The following CRB1 variants were observed in gnomAD, a reference collection of about 807,000 sequenced individuals.
The protein encoded by CRB1 is crumbs cell polarity complex component 1.
A neutral mutation model predicts 120.0 loss-of-function variants in CRB1; 83 were observed. That is an observed-to-expected ratio of 0.69 (90% CI 0.58 to 0.83). The LOEUF is 0.83. Among genes scored for constraint, CRB1 ranks in the 40% least tolerant of loss-of-function variants. The probability of loss-of-function intolerance (pLI) is 0.00; values close to 1 mark genes in which losing one functional copy is unlikely to be tolerated. For missense variants in CRB1, 1,699 were observed against 1,687.6 expected (o/e 1.01, Z -0.12); for synonymous variants, 625 against 612.5 (o/e 1.02, Z -0.30).
chr1:197,358,031 G>A (rs1480106883), intron 5 of CRB1: 1 of 152,072 alleles, frequency 6.6e-6, no homozygotes, highest in African/African-American at 2.4e-5. Context: ...AATAAATCTT[G>A]ATGTGACTCA....
intron 1 of CRB1, among the ~76,000 whole-genome samples, chr1:197,327,708 T>C (rs1658599356): frequency 6.6e-6 from 1 of 152,200 alleles, no homozygotes; most frequent in Non-Finnish European, 1.5e-5. Flanking sequence ...AAATCTTTTC[T>C]TTTCTCTTGT....
intron 11 of CRB1, among the ~76,000 whole-genome samples, chr1:197,468,307 C>T (rs1666836795): frequency 1.3e-5 from 2 of 151,854 alleles, no homozygotes; most frequent in Non-Finnish European, 2.9e-5. Flanking sequence ...TGCCCCACCC[C>T]CAGGCACTAT....
chr1:197,312,869 T>C (rs1657622502), intron 1 of CRB1, among the ~76,000 whole-genome samples: 1 of 152,248 alleles, frequency 6.6e-6, no homozygotes, highest in Admixed American at 6.5e-5. Context: ...CTCTGTAATA[T>C]ATCAAGTGCA....
intron 11 of CRB1, among the ~76,000 whole-genome samples, chr1:197,470,715 T>G (rs1666944463): frequency 6.6e-6 from 1 of 152,254 alleles, no homozygotes; most frequent in Non-Finnish European, 1.5e-5. Flanking sequence ...AGAGAGGTTG[T>G]GAATTATCAG....
chr1:197,327,590 T>G (rs756194856), intron 1 of CRB1, among the ~76,000 whole-genome samples: 1 of 152,236 alleles, frequency 6.6e-6, no homozygotes, highest in Non-Finnish European at 1.5e-5. Context: ...TCATCTTCCT[T>G]AAAACTGGTC....
chr1:197,298,206 G>C (rs370957224), intron 1 of CRB1, among the ~76,000 whole-genome samples: 6 of 152,130 alleles, frequency 3.9e-5, no homozygotes, highest in African/African-American at 1.4e-4. Context: ...AAAATAAAGA[G>C]AGGCAAGACC....
At chr1:197,463,988 G>A (rs563955606) in intron 11 of CRB1, among the ~76,000 whole-genome samples, 7 of 152,214 alleles carry the variant, frequency 4.6e-5, no homozygotes, top group African/African-American at 1.4e-4. Context: ...TAGTGAAAGA[G>A]AACAATGAAA....
chr1:197,202,501 G>A, the CRB1 span, among the ~76,000 whole-genome samples: 2 of 151,700 alleles, frequency 1.3e-5, no homozygotes, highest in African/African-American at 4.9e-5. Flanking sequence ...AAGAAATGAA[G>A]GGAAATGAAA....
intron 1 of CRB1, among the ~76,000 whole-genome samples, chr1:197,302,162 G>C (rs1466639141): frequency 6.6e-6 from 1 of 152,152 alleles, no homozygotes; most frequent in Non-Finnish European, 1.5e-5. Context: ...AGCCATCTCA[G>C]CCTTCAGCAA....
the CRB1 span, among the ~76,000 whole-genome samples, chr1:197,227,754 G>A: frequency 6.6e-6 from 1 of 152,114 alleles, no homozygotes. Flanking sequence ...TAGGGACTCT[G>A]TGTGGGGGCT....
At chr1:197,403,716 A>C (rs193125200) in intron 5 of CRB1, among the ~76,000 whole-genome samples, 1,532 of 152,146 alleles carry the variant, frequency 0.01, 89 homozygotes, top group Admixed American at 0.091. Flanking sequence ...GCTTGCTGCC[A>C]GATCATCCTA....
At chr1:197,224,581 T>TA in the CRB1 span, among the ~76,000 whole-genome samples, 1 of 152,156 alleles carries the variant, frequency 6.6e-6, no homozygotes, top group Non-Finnish European at 1.5e-5. Context: ...ACAATATCCT[T>TA]ATGTGGAATA....
intron 5 of CRB1, among the ~76,000 whole-genome samples, chr1:197,412,588 T>C (rs1192639230): frequency 6.6e-6 from 1 of 152,190 alleles, no homozygotes. Flanking sequence ...ACCCTGAATA[T>C]GTTCCCTCTC....
intron 5 of CRB1, among the ~76,000 whole-genome samples, chr1:197,380,126 G>A (rs1558095155): frequency 6.6e-6 from 1 of 152,168 alleles, no homozygotes; most frequent in East Asian, 1.9e-4. Context: ...GTTCTGCAGA[G>A]CCCAAGGTGA....
At chr1:197,450,957 C>CAAAA (rs11288525) in intron 11 of CRB1, among the ~76,000 whole-genome samples, 105 of 56,318 alleles carry the variant, frequency 1.9e-3, no homozygotes, top group African/African-American at 2.9e-3. Context: ...GACTCCGTCC[C>CAAAA]AAAAAAAAAA....
chr1:197,345,072 A>G (rs1308192301), intron 3 of CRB1, among the ~76,000 whole-genome samples: 1 of 152,262 alleles, frequency 6.6e-6, no homozygotes, highest in African/African-American at 2.4e-5. Context: ...TATGATGAAT[A>G]TAATAAATGT....
intron 5 of CRB1, among the ~76,000 whole-genome samples, chr1:197,406,732 T>A (rs1276592126): frequency 4.6e-5 from 7 of 150,818 alleles, no homozygotes; most frequent in African/African-American, 1.2e-4. Context: ...GAGGGATTTT[T>A]ATTTTTTTTA....
rs761481456 is a variant in CRB1, at chr1:197,413,911, G to C, written c.1172-7089G>C. On this transcript the variant is annotated intron_variant, in intron 5 of 11. Transcript: ENST00000367400. ...ATCAGAAACTCACTCTGTCAACCTA[G>C]TAGGTGTTTGGATGGATACCTCTTT... is the stretch of plus-strand genomic sequence containing the variant. 8.1e-5 allele frequency: 37 copies of C among 456,508 alleles called. No individual in the cohort carries two copies. The East Asian group carries it at 2.6e-3, about 32-fold the overall frequency. 28.3% of individuals were successfully genotyped at this position (456,508 alleles called of 1,614,324 possible).
At chr1:197,293,828 C>A (rs1174904088) in intron 1 of CRB1, among the ~76,000 whole-genome samples, 3 of 151,952 alleles carry the variant, frequency 2.0e-5, no homozygotes, top group African/African-American at 7.2e-5. Flanking sequence ...TTCCCTATTT[C>A]ACAAATGGTG....
Sources: allele counts gnomAD v4.1 joint callset (sites outside exome capture counted in the v4.1 genomes callset), GRCh38; gene constraint gnomAD v4.1.1; transcripts MANE v1.5; gene names NCBI Gene and HGNC (gene_info 2026-07-23, HGNC 2026-07-21).